KIF15: variants seen among roughly 807,000 people sequenced by gnomAD.
KIF15 encodes kinesin family member 15, also known as kinesin-like protein KIF15.
In KIF15, 140 loss-of-function variants were observed where a neutral mutation model predicts 190.6. The ratio of observed to expected loss-of-function variants is 0.73; its 90% CI spans 0.64 to 0.84. The LOEUF (loss-of-function observed/expected upper bound fraction) is 0.84. Ranked by LOEUF, KIF15 falls within the 40% of genes least tolerant of loss-of-function variation. The pLI, the probability that KIF15 is intolerant of heterozygous loss-of-function variation, is 0.00. For missense variants in KIF15, 1,372 were observed against 1,584.4 expected (o/e 0.87, Z 2.28); for synonymous variants, 528 against 551.3 (o/e 0.96, Z 0.59).
chr3:44,856,889 G>C (rs961364691), downstream of KIF15, among the ~76,000 whole-genome samples: 1 of 152,168 alleles, frequency 6.6e-6, no homozygotes, highest in African/African-American at 2.4e-5. Context: ...ATACTGACAC[G>C]TAGTCCTTTT....
chr3:44,814,703 T>G (rs759895898), intron 19 of KIF15, among the ~76,000 whole-genome samples: 9 of 152,120 alleles, frequency 5.9e-5, no homozygotes, highest in Non-Finnish European at 1.2e-4. Flanking sequence ...GCTTTCTATT[T>G]CAGTAGAAAT....
chr3:44,864,343 G>A lies in KIF15; in HGVS notation c.*60-8986G>A, dbSNP rs769658359. On this transcript the variant is annotated intron_variant and NMD_transcript_variant, in intron 6 of 6. Coordinates refer to the KIF15 transcript ENST00000422209. ...TGACTTTTTCAAATATCCTCAGCTC[G>A]GTGAGTAGCCTGAGGGTGTGGTGCT... The A allele has an allele frequency of 7.4e-6, 12 of 1,613,932 alleles. No individual in the cohort carries two copies. The highest frequency in any genetic ancestry group is 1.3e-5 in the African/African-American group (1 of 74,880).
At chr3:44,805,618 T>A (rs1434492472) in intron 15 of KIF15, among the ~76,000 whole-genome samples, 2 of 152,238 alleles carry the variant, frequency 1.3e-5, no homozygotes, top group African/African-American at 4.8e-5. Flanking sequence ...GACTATTTGT[T>A]TGGGCTTTTG....
At position 44,786,394 on chromosome 3, in the gene KIF15, G is replaced by T. The variant is rs1281835564; in HGVS notation, c.460-1G>T. ...ATCTAAATGAGGCTTCTTTTTTACA[G>T]GCTGGAGCTGGAAAGAGTTTCCTTT... On this transcript the variant is annotated splice_acceptor_variant, in intron 6 of 34. Coordinates refer to ENST00000326047, the MANE Select transcript of KIF15 (RefSeq NM_020242.3). LOFTEE classifies it high-confidence loss of function. 1.2e-6 allele frequency: 2 copies of T among 1,601,866 alleles called. No homozygotes were observed. Among genetic ancestry groups the T allele is most frequent in the Middle Eastern group, 1.7e-4 (1 of 6,020 alleles).
intron 6 of KIF15, among the ~76,000 whole-genome samples, chr3:44,859,491 C>T (rs1575700033): frequency 6.6e-6 from 1 of 152,182 alleles, no homozygotes; most frequent in East Asian, 1.9e-4. Flanking sequence ...ATGTCAAAAT[C>T]CTGTCTATAC....
rs747657105 is a variant in KIF15 at position 44,800,385 on chromosome 3, A to G, written c.1170A>G (p.Gln390=). ...LQAEVKRLKE[Q]LAELASGQTP... is the part of the protein sequence containing the mutation. ...CTGAAGTGAAGAGGCTCAAAGAACA[A>G]CTGGCGGAGCTTGCTTCAGGACAGA... Residue 390 remains glutamine (Q), a synonymous_variant, in exon 11 of 35, where the codon CAA becomes CAG. Coordinates refer to ENST00000326047, the MANE Select transcript of KIF15 (RefSeq NM_020242.3). 2.5e-6 allele frequency: 4 copies of G among 1,614,188 alleles called. No homozygotes were observed. The highest frequency in any genetic ancestry group is 3.4e-6 in the Non-Finnish European group (4 of 1,180,020).
chr3:44,814,781 T>G, intron 19 of KIF15, 130 bp from the exon 20 acceptor site: 1 of 616,444 alleles, frequency 1.6e-6, no homozygotes. Context: ...TACCCGCCAC[T>G]TAATTCTTTA....
Position 44,769,491 on chromosome 3 carries a change from C to T in KIF15, c.20-4904C>T, listed in dbSNP as rs779228090. On this transcript the variant is annotated intron_variant, in intron 1 of 34. Transcript: ENST00000326047. ...CATGTTAACAGGGCTTACCCACGTACGCCCTATCTCCCCTGCTGTCAGTAG... is the reference window on the plus strand; with the variant it reads ...CATGTTAACAGGGCTTACCCACGTATGCCCTATCTCCCCTGCTGTCAGTAG... 1.1e-4 allele frequency among the ~76,000 whole-genome samples: 17 copies of T among 152,182 alleles called. 1 individual carries two copies. The highest frequency in any genetic ancestry group is 3.3e-4 in the Admixed American group (5 of 15,284).
At chr3:44,799,800 T>C (rs1707179029) in intron 10 of KIF15, among the ~76,000 whole-genome samples, 1 of 148,028 alleles carries the variant, frequency 6.8e-6, no homozygotes, top group Admixed American at 6.7e-5. Flanking sequence ...AACCAACCCC[T>C]CCTTCCAAGA....
At position 44,805,176 on chromosome 3, in the gene KIF15, C is replaced by T. The variant is rs200877326; in HGVS notation, c.1829+8C>T. 13 of 1,607,482 alleles carry T rather than the reference C, an allele frequency of 8.1e-6. No individual in the cohort carries two copies. The African/African-American group carries it at 1.6e-4, about 20-fold the overall frequency. On this transcript the variant is annotated splice_region_variant and intron_variant, in intron 15 of 34. Coordinates refer to ENST00000326047, the MANE Select transcript of KIF15 (RefSeq NM_020242.3). ...ATTCAAAGAACTTACTAGGTAAAGT[C>T]TAAATACACATGCATGCACACTTAT...
Position 44,812,260 on chromosome 3 carries a change from C to G in KIF15, c.2248C>G (p.Leu750Val), listed in dbSNP as rs1376125663. 1 of 1,613,986 alleles carries G rather than the reference C, an allele frequency of 6.2e-7. No homozygotes were observed. Among genetic ancestry groups the G allele is most frequent in the South Asian group, 1.1e-5 (1 of 91,060 alleles). ...AAAGCTTCAGCAGCATGTTGACAAA[C>G]TGGAACATCATTCTACCCAAATGCA... is the stretch of plus-strand genomic sequence containing the variant. ...NLKLQQHVDK[L>V]EHHSTQMQEL... Residue 750 changes from leucine (L) to valine (V), a missense_variant, in exon 18 of 35, where the codon CTG (leucine) becomes GTG (valine). By Grantham distance (32) the Leu-to-Val change is conservative (BLOSUM62 1). Coordinates refer to ENST00000326047, the MANE Select transcript of KIF15 (RefSeq NM_020242.3).
chr3:44,788,601 C>T (rs940100798), intron 7 of KIF15, among the ~76,000 whole-genome samples: 10 of 151,930 alleles, frequency 6.6e-5, no homozygotes, highest in Non-Finnish European at 1.3e-4. Flanking sequence ...ACTGCAAGTG[C>T]ACAGCATTAT....
In KIF15 at chr3:44,848,567, A is replaced by T; in HGVS notation, c.3806+9A>T. 1 of 1,179,730 alleles carries T rather than the reference A, an allele frequency of 8.5e-7. No homozygotes were observed. Among genetic ancestry groups the T allele is most frequent in the Non-Finnish European group, 1.2e-6 (1 of 820,460 alleles). The allele number at this position is 1,179,730 out of a possible 1,614,324, so 73.1% of individuals were successfully genotyped here. A position where few individuals can be genotyped will look rare whatever the true frequency, so the allele number is the denominator to read the frequency against. On this transcript the variant is annotated intron_variant, in intron 32 of 34. Transcript: ENST00000326047. Reference sequence around the variant, plus strand: ...CTGAAAATGAAAGCAGAGTAAGTGTACTATTTTGTAATTTAAAATCTTGAT... The same window carrying T: ...CTGAAAATGAAAGCAGAGTAAGTGTTCTATTTTGTAATTTAAAATCTTGAT...
intron 17 of KIF15, among the ~76,000 whole-genome samples, chr3:44,811,355 G>C (rs1707774343): frequency 6.6e-6 from 1 of 152,162 alleles, no homozygotes; most frequent in Non-Finnish European, 1.5e-5. Flanking sequence ...GCTAAAAAAA[G>C]TTAAAAGAGG....
intron 20 of KIF15, among the ~76,000 whole-genome samples, chr3:44,823,624 A>G (rs919678893): frequency 1.3e-5 from 2 of 152,160 alleles, no homozygotes; most frequent in Admixed American, 1.3e-4. Context: ...CACAGGTGGA[A>G]TCTATAGAGG....
At position 44,813,082 on chromosome 3, in the gene KIF15, C is replaced by T. The variant is rs1575629075; in HGVS notation, c.2285C>T (p.Ser762Leu). Residue 762 changes from serine (S) to leucine (L), a missense_variant, in exon 19 of 35, where the codon TCA becomes TTA. Coordinates refer to ENST00000326047, the MANE Select transcript of KIF15 (RefSeq NM_020242.3). ...HHSTQMQELF[S>L]SERIDWTKQQ... is the part of the protein sequence containing the mutation. ...TTATCTTTTTTCCCAAAGCTTTTCT[C>T]ATCAGAAAGAATTGATTGGACCAAA... is the stretch of plus-strand genomic sequence containing the variant. 2 of 1,581,378 alleles carry T rather than the reference C, an allele frequency of 1.3e-6. No homozygotes were observed. The highest frequency in any genetic ancestry group is 8.6e-7 in the Non-Finnish European group (1 of 1,167,604).
In KIF15 at chr3:44,801,496, A is replaced by G. The variant is rs915199356; in HGVS notation, c.1269A>G (p.Leu423=). ...TGGAGTATTTCCAGGAAGCAATGTT[A>G]TTCTTTAAGAAATCTGAACAGGAAA... ...NYMEYFQEAM[L]FFKKSEQEKK... Residue 423 remains leucine (L), a synonymous_variant, in exon 12 of 35, where the codon TTA becomes TTG. Transcript: ENST00000326047. 2 of 1,571,766 alleles carry G rather than the reference A, an allele frequency of 1.3e-6. No homozygotes were observed. Among genetic ancestry groups the G allele is most frequent in the East Asian group, 4.5e-5 (2 of 44,566 alleles).
In KIF15 at chr3:44,780,162, A is replaced by G. The variant is rs537031033; in HGVS notation, c.324-723A>G. 3.4e-5 allele frequency among the ~76,000 whole-genome samples: 5 copies of G among 148,660 alleles called. No homozygotes were observed. The East Asian group carries it at 7.9e-4, about 24-fold the overall frequency. ...CTATCCACAGCTGTGATTCTAGTGCACCACAGCCTGGAACTCCTGGGCTCA... is the reference window on the plus strand; with the variant it reads ...CTATCCACAGCTGTGATTCTAGTGCGCCACAGCCTGGAACTCCTGGGCTCA... On this transcript the variant is annotated intron_variant, in intron 4 of 34. Transcript: ENST00000326047.
intron 1 of KIF15, among the ~76,000 whole-genome samples, chr3:44,762,396 C>T (rs1705190878): frequency 6.6e-6 from 1 of 152,214 alleles, no homozygotes; most frequent in Non-Finnish European, 1.5e-5. Context: ...TATGTTCTCA[C>T]AGTCTCTATT....
Sources: gnomAD v4.1 joint callset for allele counts (sites outside exome capture counted in the v4.1 genomes callset) on GRCh38, gnomAD v4.1.1 for gene constraint, MANE v1.5 for transcripts, NCBI Gene and HGNC (gene_info 2026-07-23, HGNC 2026-07-21) for gene names.